The following SMC5 variants were observed in gnomAD, a reference collection of about 807,000 sequenced individuals.
SMC5 encodes structural maintenance of chromosomes protein 5.
SMC5 carries 88 observed loss-of-function variants against 148.3 expected under a neutral mutation model. That is an observed-to-expected ratio of 0.59 (90% CI 0.50 to 0.71). The LOEUF is 0.71. Among genes scored for constraint, SMC5 ranks in the 30% least tolerant of loss-of-function variants. The probability of loss-of-function intolerance (pLI) is 0.00; values close to 1 mark genes in which losing one functional copy is unlikely to be tolerated. For synonymous variants in SMC5, 421 were observed against 432.8 expected, an observed-to-expected ratio of 0.97 and a Z score of 0.34; for missense variants, 1,142 against 1,298.9, an observed-to-expected ratio of 0.88 and a Z score of 1.86.
intron 2 of SMC5, among the ~76,000 whole-genome samples, chr9:70,265,026 T>C (rs1389498638): frequency 2.0e-5 from 3 of 151,898 alleles, no homozygotes; most frequent in African/African-American, 7.3e-5. Flanking sequence ...AAAAATACAG[T>C]GTAAAAGATA....
chr9:70,321,256 A>G (rs2035938082), intron 15 of SMC5, among the ~76,000 whole-genome samples: 1 of 152,108 alleles, frequency 6.6e-6, no homozygotes, highest in Non-Finnish European at 1.5e-5. Context: ...CACAGAATAG[A>G]TTGGGCACCT....
chr9:70,347,189 G>A (rs746954943), intron 20 of SMC5, 28 bp downstream of exon 20: 2 of 1,587,222 alleles, frequency 1.3e-6, no homozygotes, highest in Admixed American at 3.4e-5. Context: ...TTCCCATTCT[G>A]CATCCAACCA....
At chr9:70,278,646 A>G (rs1038814533) in intron 5 of SMC5, 21 bp downstream of exon 5, 1 of 1,584,562 alleles carries the variant, frequency 6.3e-7, no homozygotes, top group Non-Finnish European at 8.5e-7. Context: ...TAGACAACTC[A>G]TTTGTATTGT....
chr9:70,264,274 CCTT>C (rs1564018426), intron 1 of SMC5, 27 bp from the exon 2 acceptor site: 1 of 1,591,868 alleles, frequency 6.3e-7, no homozygotes, highest in South Asian at 1.2e-5. Context: ...TTGTATCTCT[CCTT>C]AATAATTTCA....
Position 70,259,148 on chromosome 9 carries a change from C to T in SMC5, c.70C>T (p.Pro24Ser). 1 of 1,612,702 alleles carries T rather than the reference C, an allele frequency of 6.2e-7. No individual in the cohort carries two copies. Among genetic ancestry groups the T allele is most frequent in the Non-Finnish European group, 8.5e-7 (1 of 1,179,384 alleles). Residue 24 changes from proline (P) to serine (S), a missense_variant, in exon 1 of 25, where the codon CCT becomes TCT. Physicochemically the swap from Pro to Ser is moderately conservative, Grantham distance 74 (BLOSUM62 -1). Around this residue, in one of 5 missense-constraint regions of SMC5, gnomAD observed 297 missense variants for 302.6 expected, o/e 0.98. Coordinates refer to ENST00000361138, the MANE Select transcript of SMC5 (RefSeq NM_015110.4). ...QPSKRALPRD[P>S]SSEVPSKRKN... is the part of the protein sequence containing the mutation. ...TTCCAAGAGAGCTCTCCCGAGAGAC[C>T]CTTCGTCGGAGGTCCCGAGCAAGAG...
chr9:70,340,324 A>G (rs1171249840), intron 17 of SMC5, among the ~76,000 whole-genome samples: 1 of 151,994 alleles, frequency 6.6e-6, no homozygotes, highest in South Asian at 2.1e-4. Context: ...TGAAGAAAAC[A>G]TTTTACAAAG....
At chr9:70,336,743 GT>G (rs2036366820) in intron 17 of SMC5, among the ~76,000 whole-genome samples, 3 of 152,248 alleles carry the variant, frequency 2.0e-5, no homozygotes, top group African/African-American at 7.2e-5. Context: ...AGGAAATGTT[GT>G]TATAAAAGAG....
At chr9:70,260,529 TAAC>T in intron 1 of SMC5, among the ~76,000 whole-genome samples, 1 of 152,294 alleles carries the variant, frequency 6.6e-6, no homozygotes, top group Middle Eastern at 3.4e-3. Context: ...TCTTTCTTCA[TAAC>T]AACTCTATCT....
At chr9:70,301,795 A>T (rs1486414350) in intron 10 of SMC5, among the ~76,000 whole-genome samples, 1 of 152,216 alleles carries the variant, frequency 6.6e-6, no homozygotes, top group Admixed American at 6.5e-5. Flanking sequence ...ACTAATATAA[A>T]AATAAATTTA....
chr9:70,339,817 C>T (rs902390096), intron 17 of SMC5, among the ~76,000 whole-genome samples: 1 of 152,070 alleles, frequency 6.6e-6, no homozygotes, highest in Admixed American at 6.5e-5. Flanking sequence ...GGCAACAGAC[C>T]TATAAAACAT....
At chr9:70,323,418 C>G in intron 15 of SMC5, 65 bp from the exon 16 acceptor site, 1 of 1,469,290 alleles carries the variant, frequency 6.8e-7, no homozygotes, top group African/African-American at 1.4e-5. Flanking sequence ...TGGGGGGGAC[C>G]TAAGAATTTG....
chr9:70,270,642 ATTT>A (rs71364589), intron 3 of SMC5, among the ~76,000 whole-genome samples: 8 of 103,798 alleles, frequency 7.7e-5, no homozygotes, highest in East Asian at 3.0e-4. Flanking sequence ...AGACTAAATA[ATTT>A]TTTTTTTTTT....
At chr9:70,321,445 T>G in intron 15 of SMC5, among the ~76,000 whole-genome samples, 2 of 147,996 alleles carry the variant, frequency 1.4e-5, no homozygotes, top group Admixed American at 7.0e-5. Context: ...CAGGCTGGAG[T>G]GCAGTGGCAT....
chr9:70,323,341 T>C lies in SMC5; in HGVS notation c.2151-142T>C, dbSNP rs940642604. ...TTAATAGCAACAGAAACAACTTATA[T>C]TGATTGATCGGTTATGGGCCAGGCA... On this transcript the variant is annotated intron_variant, in intron 15 of 24. Coordinates refer to ENST00000361138, the MANE Select transcript of SMC5 (RefSeq NM_015110.4). 18 of 696,228 alleles carry C rather than the reference T, an allele frequency of 2.6e-5. No individual in the cohort carries two copies. In the African/African-American group the frequency reaches 3.0e-4, roughly 11 times the overall value. The allele number at this position is 696,228 out of a possible 1,614,324, so 43.1% of individuals were successfully genotyped here. A position where few individuals can be genotyped will look rare whatever the true frequency, so the allele number is the denominator to read the frequency against.
At chr9:70,308,902 A>T (rs929126929) in intron 11 of SMC5, among the ~76,000 whole-genome samples, 13 of 152,210 alleles carry the variant, frequency 8.5e-5, no homozygotes, top group African/African-American at 3.1e-4. Flanking sequence ...TAGTACAGAC[A>T]TACAAGAAAT....
intron 17 of SMC5, among the ~76,000 whole-genome samples, chr9:70,329,509 C>T (rs1433125707): frequency 2.0e-5 from 3 of 152,264 alleles, no homozygotes; most frequent in East Asian, 3.9e-4. Context: ...GCAAGAGTGA[C>T]GTTTACTCGA....
chr9:70,348,183 C>T (rs1296601811), intron 22 of SMC5, 145 bp downstream of exon 22: 1 of 784,540 alleles, frequency 1.3e-6, no homozygotes, highest in African/African-American at 1.8e-5. Context: ...GAGAAAACCA[C>T]CTGTGGGATT....
Position 70,298,125 on chromosome 9 carries a change from A to G in SMC5, c.1213A>G (p.Asn405Asp), listed in dbSNP as rs116117325. Residue 405 changes from asparagine (N) to aspartate (D), a missense_variant, in exon 9 of 25, where the codon AAT becomes GAT. This residue lies in a region of SMC5 where 743 missense variants were observed against 835.7 expected (regional missense o/e 0.89). Coordinates refer to ENST00000361138, the MANE Select transcript of SMC5 (RefSeq NM_015110.4). ...NLQPQIDAIT[N>D]DLRRIQDEKA... ...TCAGCCCCAGATTGATGCCATTACA[A>G]ATGATCTGAGACGGATTCAGGATGA... is the stretch of plus-strand genomic sequence containing the variant. 1,277 of 1,614,098 alleles carry G rather than the reference A, an allele frequency of 7.9e-4. 11 individuals carry two copies. The African/African-American group carries it at 0.014, about 18-fold the overall frequency.
intron 20 of SMC5, 36 bp downstream of exon 20, chr9:70,347,197 C>A (rs769707325): frequency 6.8e-7 from 1 of 1,475,372 alleles, no homozygotes; most frequent in South Asian, 1.2e-5. Context: ...CTGCATCCAA[C>A]CACCACCACC....
Sources: allele counts gnomAD v4.1 joint callset (sites outside exome capture counted in the v4.1 genomes callset), GRCh38; gene constraint gnomAD v4.1.1; regional missense constraint gnomAD v4.1.1; transcripts MANE v1.5; gene names NCBI Gene and HGNC (gene_info 2026-07-23, HGNC 2026-07-21).